Variants in OCA2 observed in about 807,000 individuals in gnomAD.
OCA2 encodes the protein OCA2 melanosomal transmembrane protein, also known as P protein.
In OCA2, 77 loss-of-function variants were observed where a neutral mutation model predicts 100.2. That is an observed-to-expected ratio of 0.77 (90% CI 0.64 to 0.93). The LOEUF is 0.93. OCA2 is among the 40% of genes least tolerant of loss of function. The pLI is 0.00. For synonymous variants in OCA2, 432 were observed against 439.2 expected (o/e 0.98, Z 0.21); for missense variants, 1,062 against 1,089.1 (o/e 0.98, Z 0.35).
Position 27,771,417 on chromosome 15 carries a change from C to G in OCA2, c.2433-15945G>C, listed in dbSNP as rs1453232742. Among the ~76,000 whole-genome samples the G allele has an allele frequency of 2.1e-5, 3 of 145,578 alleles. No homozygotes were observed. The Admixed American group carries it at 2.1e-4, about 10-fold the overall frequency. On this transcript the variant is annotated intron_variant, in intron 23 of 23. Coordinates refer to ENST00000354638, the MANE Select transcript of OCA2 (RefSeq NM_000275.3). ...AAAAAAAAAAAAATACAGCCGCGCACGGAAATCAATGGGCCGCCCCTCCGT... is the reference window on the plus strand; with the variant it reads ...AAAAAAAAAAAAATACAGCCGCGCAGGGAAATCAATGGGCCGCCCCTCCGT...
chr15:27,799,743 TAA>T (rs35856122), intron 23 of OCA2, among the ~76,000 whole-genome samples: 4 of 84,720 alleles, frequency 4.7e-5, no homozygotes, highest in Admixed American at 1.3e-4. Flanking sequence ...AGACTCCGTC[TAA>T]AAAAAAAAAA....
intron 23 of OCA2, among the ~76,000 whole-genome samples, chr15:27,822,937 C>T (rs28472868): frequency 0.51 from 76,819 of 151,976 alleles, 20,015 homozygotes; most frequent in South Asian, 0.76. Flanking sequence ...TTTTGGGGTC[C>T]TGTTTATCAA....
intron 19 of OCA2, among the ~76,000 whole-genome samples, chr15:27,877,136 T>C (rs939059200): frequency 3.9e-5 from 6 of 152,108 alleles, no homozygotes; most frequent in Admixed American, 6.5e-5. Context: ...TTTTGACTCA[T>C]GATTTAACTA....
chr15:27,997,130 A>AC (rs1566776071), intron 9 of OCA2, among the ~76,000 whole-genome samples: 3 of 36,244 alleles, frequency 8.3e-5, no homozygotes, highest in Non-Finnish European at 7.7e-4. Flanking sequence ...GAAGGAAGGA[A>AC]GAAGGAAGGA....
At chr15:27,929,207 AT>A (rs563808667) in intron 18 of OCA2, among the ~76,000 whole-genome samples, 198 of 152,248 alleles carry the variant, frequency 1.3e-3, no homozygotes, top group African/African-American at 4.4e-3. Flanking sequence ...TTATAAAAAA[AT>A]AAAAAAGAAC....
At chr15:27,904,280 G>C (rs57339197) in intron 19 of OCA2, among the ~76,000 whole-genome samples, 37,745 of 152,100 alleles carry the variant, frequency 0.25, 5,406 homozygotes, top group East Asian at 0.62. Context: ...GATTCAGGTG[G>C]ACGGGGCAGA....
At chr15:27,737,415 C>T in the OCA2 span, among the ~76,000 whole-genome samples, 1 of 152,208 alleles carries the variant, frequency 6.6e-6, no homozygotes, top group Admixed American at 6.5e-5. Context: ...CATCATAAAA[C>T]TGCAGTTATT....
chr15:27,775,749 T>A (rs11636948), intron 23 of OCA2: 1 of 152,182 alleles, frequency 6.6e-6, no homozygotes, highest in East Asian at 1.9e-4. Flanking sequence ...TGAGGCCTCG[T>A]TCCTTGGCCG....
intron 23 of OCA2, among the ~76,000 whole-genome samples, chr15:27,787,795 T>C (rs1235563499): frequency 6.6e-6 from 1 of 152,000 alleles, no homozygotes; most frequent in East Asian, 1.9e-4. Flanking sequence ...CTCTTCTTTT[T>C]GTACTTTCTT....
At chr15:28,010,201 C>T (rs541741807) in intron 9 of OCA2, among the ~76,000 whole-genome samples, 38 of 151,794 alleles carry the variant, frequency 2.5e-4, no homozygotes, top group Non-Finnish European at 4.1e-4. Context: ...AGAAAAAACA[C>T]AACAAAAAAC....
the OCA2 span, among the ~76,000 whole-genome samples, chr15:27,748,184 A>T: frequency 1.3e-5 from 2 of 152,206 alleles, no homozygotes; most frequent in African/African-American, 4.8e-5. Context: ...TCCTCTTCCC[A>T]TCAGTGAGCC....
At chr15:27,945,786 G>A (rs1345545958) in intron 18 of OCA2, among the ~76,000 whole-genome samples, 1 of 152,120 alleles carries the variant, frequency 6.6e-6, no homozygotes, top group Non-Finnish European at 1.5e-5. Context: ...CACATCATGA[G>A]AGAATCTGGG....
At chr15:28,003,501 ACT>A (rs1206720302) in intron 9 of OCA2, among the ~76,000 whole-genome samples, 2 of 151,794 alleles carry the variant, frequency 1.3e-5, no homozygotes, top group East Asian at 1.9e-4. Flanking sequence ...AGGAGATGTT[ACT>A]CTGTTTTGTG....
chr15:28,046,573 C>G (rs1595876241), intron 2 of OCA2, among the ~76,000 whole-genome samples: 1 of 152,290 alleles, frequency 6.6e-6, no homozygotes, highest in East Asian at 1.9e-4. Flanking sequence ...TGAACCCAGC[C>G]AGAAGCCACC....
intron 18 of OCA2, among the ~76,000 whole-genome samples, chr15:27,945,893 C>T (rs1190026916): frequency 2.0e-5 from 3 of 152,156 alleles, no homozygotes; most frequent in East Asian, 1.9e-4. Flanking sequence ...AAGCCTGCCT[C>T]GCTGATTCTT....
chr15:27,832,167 T>C (rs2151318911), intron 23 of OCA2, among the ~76,000 whole-genome samples: 1 of 152,256 alleles, frequency 6.6e-6, no homozygotes, highest in African/African-American at 2.4e-5. Context: ...TGATGTGCCT[T>C]TGAGTTTTCA....
chr15:28,097,495 C>G (rs1164065168), intron 1 of OCA2, among the ~76,000 whole-genome samples: 1 of 152,196 alleles, frequency 6.6e-6, no homozygotes, highest in East Asian at 1.9e-4. Context: ...CCTCCAGGCT[C>G]TGGGCTTTCC....
chr15:27,841,687 A>G (rs1476800277), intron 23 of OCA2, among the ~76,000 whole-genome samples: 4 of 152,262 alleles, frequency 2.6e-5, no homozygotes, highest in African/African-American at 7.2e-5. Flanking sequence ...TGTAGATGCA[A>G]GAGAGCTTCT....
intron 23 of OCA2, among the ~76,000 whole-genome samples, chr15:27,756,361 A>T (rs2030369668): frequency 6.6e-6 from 1 of 152,252 alleles, no homozygotes; most frequent in South Asian, 2.1e-4. Flanking sequence ...CAACAGAGCT[A>T]CAATTAAACA....
Sources: allele counts gnomAD v4.1 joint callset (sites outside exome capture counted in the v4.1 genomes callset), GRCh38; gene constraint gnomAD v4.1.1; transcripts MANE v1.5; gene names NCBI Gene and HGNC (gene_info 2026-07-23, HGNC 2026-07-21).